ZC4H2: variants seen among roughly 807,000 people sequenced by gnomAD.
The protein encoded by ZC4H2 is zinc finger C4H2-type containing.
For missense variants in ZC4H2, 137 were observed against 173.9 expected (o/e 0.79, Z 1.19); for synonymous variants, 84 against 66.3 (o/e 1.27, Z -1.30).
chrX:64,938,948 C>T (rs775868042), intron 1 of ZC4H2, among the ~76,000 whole-genome samples: 6 of 111,692 alleles, frequency 5.4e-5, no homozygotes, highest in Non-Finnish European at 1.1e-4. Context: ...GACAATCAGG[C>T]AAATGAAAGA....
chrX:64,916,856 A>T lies in ZC4H2; in HGVS notation c.*927T>A. The T allele has an allele frequency of 8.9e-6, 1 of 112,169 alleles. No homozygotes were observed. The highest frequency in any genetic ancestry group is 1.9e-5 in the Non-Finnish European group (1 of 53,194). The allele number at this position is 112,169 out of a possible 1,213,427, so 9.2% of individuals were successfully genotyped here. A position where few individuals can be genotyped will look rare whatever the true frequency, so the allele number is the denominator to read the frequency against. ...AAGTCCCACCCACCTTCATGTGTAA[A>T]GTGATTGGCATTTACTCAAATCTAA... On this transcript the variant is annotated 3_prime_UTR_variant, in exon 5 of 5. Coordinates refer to ENST00000374839, the MANE Select transcript of ZC4H2 (RefSeq NM_018684.4).
intron 1 of ZC4H2, among the ~76,000 whole-genome samples, chrX:64,928,629 TCTC>T (rs1176907648): frequency 4.2e-4 from 39 of 93,865 alleles, no homozygotes; most frequent in Admixed American, 2.9e-3. Context: ...TTGCCTGCTT[TCTC>T]CTTCTTCTTC....
chrX:64,987,939 G>C (rs1214931868), intron 1 of ZC4H2, among the ~76,000 whole-genome samples: 1 of 87,832 alleles, frequency 1.1e-5, no homozygotes, highest in African/African-American at 4.5e-5. Flanking sequence ...CTGTGTCGAT[G>C]TGTTCTCATT....
intron 1 of ZC4H2, among the ~76,000 whole-genome samples, chrX:65,026,833 T>G (rs747740280): frequency 2.7e-5 from 3 of 112,178 alleles, no homozygotes; most frequent in African/African-American, 9.7e-5. Flanking sequence ...ATCTGGACAC[T>G]CTCCCTCTTT....
chrX:65,019,766 T>C (rs1364821009), intron 1 of ZC4H2, among the ~76,000 whole-genome samples: 1 of 112,048 alleles, frequency 8.9e-6, no homozygotes, highest in African/African-American at 3.2e-5. Flanking sequence ...TCTAACCCAA[T>C]GCAAGGAAGC....
chrX:64,943,796 C>T (rs1261435964), intron 1 of ZC4H2, among the ~76,000 whole-genome samples: 1 of 111,366 alleles, frequency 9.0e-6, no homozygotes, highest in Non-Finnish European at 1.9e-5. Context: ...ATTTGCCAGT[C>T]TCTGTCTTTT....
At chrX:64,937,449 T>G (rs1434261594) in intron 1 of ZC4H2, among the ~76,000 whole-genome samples, 2 of 111,642 alleles carry the variant, frequency 1.8e-5, no homozygotes, top group African/African-American at 6.5e-5. Context: ...AATAGATATC[T>G]ACAGAACTCT....
chrX:65,026,125 C>G (rs923794692), intron 1 of ZC4H2, among the ~76,000 whole-genome samples: 3 of 111,772 alleles, frequency 2.7e-5, no homozygotes, highest in Non-Finnish European at 5.6e-5. Context: ...AATATCAACC[C>G]CACCCTTTAT....
chrX:64,949,567 C>T (rs1169916898), intron 1 of ZC4H2, among the ~76,000 whole-genome samples: 2 of 111,660 alleles, frequency 1.8e-5, no homozygotes, highest in Non-Finnish European at 3.8e-5. Flanking sequence ...TTTGACATAG[C>T]AAGTTACACG....
intron 1 of ZC4H2, among the ~76,000 whole-genome samples, chrX:64,950,609 T>A (rs1930758855): frequency 9.0e-6 from 1 of 110,625 alleles, no homozygotes; most frequent in South Asian, 3.8e-4. Context: ...GAAATGACCT[T>A]CTTTGTCTCT....
At chrX:65,021,557 C>T (rs1932836640) in intron 1 of ZC4H2, among the ~76,000 whole-genome samples, 2 of 111,198 alleles carry the variant, frequency 1.8e-5, no homozygotes, top group South Asian at 3.7e-4. Flanking sequence ...TAATTAAATG[C>T]CCACAAGGGA....
At chrX:64,983,041 C>T (rs1404237678) in intron 1 of ZC4H2, among the ~76,000 whole-genome samples, 1 of 111,220 alleles carries the variant, frequency 9.0e-6, no homozygotes, top group Non-Finnish European at 1.9e-5. Flanking sequence ...GCATATATCA[C>T]GTATAATTGC....
intron 1 of ZC4H2, among the ~76,000 whole-genome samples, chrX:65,028,968 TATTTATCTAG>T (rs1040455507): frequency 9.0e-6 from 1 of 111,268 alleles, no homozygotes; most frequent in African/African-American, 3.3e-5. Flanking sequence ...CAGTTGGACC[TATTTATCTAG>T]ATCTCAGGAC....
chrX:64,989,276 G>A (rs1414785601), intron 1 of ZC4H2, among the ~76,000 whole-genome samples: 1 of 112,030 alleles, frequency 8.9e-6, no homozygotes, highest in Non-Finnish European at 1.9e-5. Flanking sequence ...GTAGCTTGAT[G>A]GGGATGGCAA....
chrX:64,994,791 G>A (rs1440419759), intron 1 of ZC4H2, among the ~76,000 whole-genome samples: 1 of 111,261 alleles, frequency 9.0e-6, no homozygotes, highest in Non-Finnish European at 1.9e-5. Flanking sequence ...CTTAATCCTA[G>A]TCCCTTATTT....
chrX:64,976,496 C>T, upstream of ZC4H2: 2 of 779,839 alleles, frequency 2.6e-6, no homozygotes, highest in South Asian at 4.6e-5. Flanking sequence ...GCGGTAGGGG[C>T]TTGGAGAGGC....
intron 1 of ZC4H2, among the ~76,000 whole-genome samples, chrX:65,014,198 T>C (rs1454042902): frequency 9.0e-6 from 1 of 111,237 alleles, no homozygotes; most frequent in Non-Finnish European, 1.9e-5. Context: ...ATAATACTTG[T>C]ATGTATAGCA....
At position 65,024,063 on chromosome X, in the gene ZC4H2, A is replaced by G. The variant is rs770742671; in HGVS notation, c.-272+10566T>C. Among the ~76,000 whole-genome samples, 243 of 110,273 alleles carry G rather than the reference A, an allele frequency of 2.2e-3. 2 individuals carry two copies. Among genetic ancestry groups the G allele is most frequent in the African/African-American group, 5.5e-3 (168 of 30,355 alleles). On this transcript the variant is annotated intron_variant, in intron 1 of 4. Transcript: ENST00000337990. Reference sequence around the variant, plus strand: ...TAAGTGGGAGTTGAACAATGAGAACACATGGACACAGTGAGGGAAACAGTA... The same window carrying G: ...TAAGTGGGAGTTGAACAATGAGAACGCATGGACACAGTGAGGGAAACAGTA...
chrX:64,960,631 T>C (rs1248463229), intron 1 of ZC4H2, among the ~76,000 whole-genome samples: 1 of 112,385 alleles, frequency 8.9e-6, no homozygotes, highest in Non-Finnish European at 1.9e-5. Flanking sequence ...ATAAAACTGA[T>C]ACTAAGTATA....
Sources: gnomAD v4.1 joint callset for allele counts (sites outside exome capture counted in the v4.1 genomes callset) on GRCh38, gnomAD v4.1.1 for gene constraint, MANE v1.5 for transcripts, NCBI Gene and HGNC (gene_info 2026-07-23, HGNC 2026-07-21) for gene names.